NELL1: variants seen among roughly 807,000 people sequenced by gnomAD.
NELL1 encodes protein kinase C-binding protein NELL1.
A neutral mutation model predicts 107.4 loss-of-function variants in NELL1; 76 were observed. That is an observed-to-expected ratio of 0.71 (90% CI 0.59 to 0.86). The LOEUF is 0.86. Ranked by LOEUF, NELL1 falls within the 40% of genes least tolerant of loss-of-function variation. The pLI, the probability that NELL1 is intolerant of heterozygous loss-of-function variation, is 0.00. For missense variants in NELL1, 1,024 were observed against 1,005.5 expected, an observed-to-expected ratio of 1.02 and a Z score of -0.25; for synonymous variants, 353 against 341.2, an observed-to-expected ratio of 1.03 and a Z score of -0.38.
intron 14 of NELL1, among the ~76,000 whole-genome samples, chr11:21,335,093 T>C (rs779101990): frequency 1.1e-4 from 17 of 152,012 alleles, no homozygotes; most frequent in Non-Finnish European, 2.4e-4. Flanking sequence ...AAAAGACCAC[T>C]TATTACCCTT....
chr11:21,328,286 G>T (rs745673376), intron 14 of NELL1, among the ~76,000 whole-genome samples: 2 of 151,242 alleles, frequency 1.3e-5, no homozygotes, highest in African/African-American at 4.8e-5. Context: ...AAAAGGGGCC[G>T]ATGTACAGTT....
At chr11:21,024,597 G>A (rs993709268) in intron 12 of NELL1, among the ~76,000 whole-genome samples, 1 of 152,124 alleles carries the variant, frequency 6.6e-6, no homozygotes, top group Non-Finnish European at 1.5e-5. Flanking sequence ...GGCATAGTAA[G>A]AGCTCAGTGA....
At chr11:21,377,943 C>A (rs1851517573) in intron 15 of NELL1, among the ~76,000 whole-genome samples, 1 of 151,916 alleles carries the variant, frequency 6.6e-6, no homozygotes, top group African/African-American at 2.4e-5. Flanking sequence ...TCAGATAATT[C>A]TTTATTGTGG....
At chr11:21,161,536 C>A (rs1163077643) in intron 13 of NELL1, among the ~76,000 whole-genome samples, 4 of 151,900 alleles carry the variant, frequency 2.6e-5, no homozygotes, top group Non-Finnish European at 4.4e-5. Context: ...GATTCTGTCT[C>A]AAAAAATAAA....
intron 12 of NELL1, among the ~76,000 whole-genome samples, chr11:21,059,204 A>G (rs1022031799): frequency 1.3e-5 from 2 of 150,006 alleles, no homozygotes. Context: ...TTAACTCTCC[A>G]TCTCTACATC....
chr11:20,940,003 C>T (rs1850814880), intron 10 of NELL1, among the ~76,000 whole-genome samples: 1 of 152,156 alleles, frequency 6.6e-6, no homozygotes, highest in Non-Finnish European at 1.5e-5. Flanking sequence ...TGGGTTCGCA[C>T]ATGCAATTGC....
intron 14 of NELL1, among the ~76,000 whole-genome samples, chr11:21,268,959 G>C (rs1848687080): frequency 6.6e-6 from 1 of 152,090 alleles, no homozygotes; most frequent in Non-Finnish European, 1.5e-5. Flanking sequence ...GAAATTCTAA[G>C]AAAGGATTGA....
chr11:21,053,521 C>T (rs1309938979), intron 12 of NELL1, among the ~76,000 whole-genome samples: 1 of 152,168 alleles, frequency 6.6e-6, no homozygotes, highest in Non-Finnish European at 1.5e-5. Flanking sequence ...TTGAAGACTT[C>T]AGGGCAGGAG....
intron 15 of NELL1, among the ~76,000 whole-genome samples, chr11:21,403,405 T>C (rs1852145560): frequency 1.3e-5 from 2 of 151,694 alleles, no homozygotes; most frequent in African/African-American, 4.9e-5. Flanking sequence ...GTAACTATTT[T>C]TCACATTATT....
rs184723858 is a variant in NELL1, at chr11:20,842,997, A to G, written c.336-4586A>G. 3.2e-4 allele frequency among the ~76,000 whole-genome samples: 48 copies of G among 152,256 alleles called. No individual in the cohort carries two copies. In the East Asian group the frequency reaches 5.8e-3, roughly 18 times the overall value. ...TATTATTGCCCATAAAAATAGAGTT[A>G]CCCTTTATTGAGGTCTTACAAAATT... On this transcript the variant is annotated intron_variant, in intron 3 of 19. Transcript: ENST00000357134.
intron 15 of NELL1, among the ~76,000 whole-genome samples, chr11:21,518,907 A>G (rs1187704642): frequency 1.3e-5 from 2 of 152,236 alleles, no homozygotes; most frequent in East Asian, 3.9e-4. Flanking sequence ...AGAAATCTCA[A>G]GTAATTGTGA....
At chr11:21,173,168 GA>G (rs1856642207) in intron 13 of NELL1, among the ~76,000 whole-genome samples, 1 of 151,736 alleles carries the variant, frequency 6.6e-6, no homozygotes. Context: ...TATATGTACA[GA>G]ACAGGTCTTT....
chr11:21,327,914 T>C (rs940558531), intron 14 of NELL1, among the ~76,000 whole-genome samples: 2 of 152,094 alleles, frequency 1.3e-5, no homozygotes, highest in Non-Finnish European at 2.9e-5. Flanking sequence ...GGAGAGATGA[T>C]TTAGGGTATC....
chr11:20,743,225 A>T (rs1021800744), intron 2 of NELL1, among the ~76,000 whole-genome samples: 1 of 151,996 alleles, frequency 6.6e-6, no homozygotes, highest in Non-Finnish European at 1.5e-5. Context: ...GTGATGGCGC[A>T]CACCTGTAAT....
intron 4 of NELL1, among the ~76,000 whole-genome samples, chr11:20,858,799 C>G (rs558415136): frequency 6.6e-6 from 1 of 152,096 alleles, no homozygotes; most frequent in South Asian, 2.1e-4. Flanking sequence ...CACAATTAAC[C>G]GTTTGTAGGG....
At chr11:21,144,995 A>G (rs1855946349) in intron 13 of NELL1, among the ~76,000 whole-genome samples, 1 of 152,188 alleles carries the variant, frequency 6.6e-6, no homozygotes, top group African/African-American at 2.4e-5. Context: ...CAGTTTCCTC[A>G]GTCACAAAAC....
At chr11:21,433,884 A>G (rs561305940) in intron 15 of NELL1, among the ~76,000 whole-genome samples, 8 of 152,226 alleles carry the variant, frequency 5.3e-5, no homozygotes, top group African/African-American at 1.9e-4. Context: ...CATGTTGATC[A>G]GGCTGGTCTC....
chr11:21,378,718 T>G (rs951962922), intron 15 of NELL1, among the ~76,000 whole-genome samples: 10 of 21,018 alleles, frequency 4.8e-4, no homozygotes, highest in Admixed American at 1.3e-3. Context: ...CACTTGTACA[T>G]TTTTTTTTTT....
At chr11:20,690,631 C>T (rs1854437937) in intron 2 of NELL1, among the ~76,000 whole-genome samples, 1 of 150,804 alleles carries the variant, frequency 6.6e-6, no homozygotes. Flanking sequence ...TGTTCTGTTC[C>T]ATTGATCTAT....
Sources: gnomAD v4.1 joint callset for allele counts (sites outside exome capture counted in the v4.1 genomes callset) on GRCh38, gnomAD v4.1.1 for gene constraint, MANE v1.5 for transcripts, NCBI Gene and HGNC (gene_info 2026-07-23, HGNC 2026-07-21) for gene names.